The following TYRP1 variants were observed in gnomAD, a reference collection of about 807,000 sequenced individuals.
TYRP1 encodes tyrosinase related protein 1.
TYRP1 carries 49 observed loss-of-function variants against 42.8 expected under a neutral mutation model. That is an observed-to-expected ratio of 1.14 (90% CI 0.91 to 1.45). The LOEUF (loss-of-function observed/expected upper bound fraction) is 1.45, where lower values mean the gene tolerates loss of function less well. Among genes scored for constraint, TYRP1 ranks in the 40% most tolerant of loss-of-function variants. TYRP1 has a pLI of 0.00. For missense variants in TYRP1, 848 were observed against 662.0 expected, an observed-to-expected ratio of 1.28 and a Z score of -3.08; for synonymous variants, 279 against 235.4, an observed-to-expected ratio of 1.19 and a Z score of -1.69.
chr9:12,707,455 T>G (rs1818276435), intron 6 of TYRP1, among the ~76,000 whole-genome samples: 1 of 151,970 alleles, frequency 6.6e-6, no homozygotes, highest in Non-Finnish European at 1.5e-5. Context: ...GGTGGAAGTC[T>G]CTATAGACAA....
chr9:12,703,186 A>C (rs1205264249), intron 5 of TYRP1, among the ~76,000 whole-genome samples: 3 of 151,868 alleles, frequency 2.0e-5, no homozygotes, highest in African/African-American at 7.2e-5. Flanking sequence ...TATCTTATAA[A>C]CTTGTTATTG....
chr9:12,700,830 G>T (rs1202254432), intron 4 of TYRP1, among the ~76,000 whole-genome samples: 2 of 152,010 alleles, frequency 1.3e-5, no homozygotes, highest in Non-Finnish European at 2.9e-5. Context: ...TCTAGCTAGT[G>T]ATGGTGAAAG....
In TYRP1 at chr9:12,698,657, T is replaced by G. The variant is rs1394455331; in HGVS notation, c.913+2T>G. ...ATACCCTGGGAACACTTTGTAACAG[T>G]AAGTTCCAAATGATAGCTTGGAGTC... On this transcript the variant is annotated splice_donor_variant, in intron 4 of 7. Transcript: ENST00000388918. LOFTEE classifies it high-confidence loss of function. 1.1e-5 allele frequency: 18 copies of G among 1,612,612 alleles called. No individual in the cohort carries two copies. The highest frequency in any genetic ancestry group is 1.5e-5 in the Non-Finnish European group (18 of 1,178,832).
intron 3 of TYRP1, among the ~76,000 whole-genome samples, chr9:12,696,866 A>G (rs568454839): frequency 6.6e-6 from 1 of 152,338 alleles, no homozygotes; most frequent in South Asian, 2.1e-4. Flanking sequence ...ATAAAAATTA[A>G]GCTAAAAATA....
At chr9:12,699,823 T>G (rs769165343) in intron 4 of TYRP1, among the ~76,000 whole-genome samples, 1 of 152,056 alleles carries the variant, frequency 6.6e-6, no homozygotes, top group African/African-American at 2.4e-5. Context: ...CCTGAGAGTT[T>G]TCTAGACATT....
At chr9:12,700,345 A>G (rs1818146106) in intron 4 of TYRP1, 2 of 152,046 alleles carry the variant, frequency 1.3e-5, no homozygotes. Flanking sequence ...TGCTTGTTGC[A>G]TAGTATTTCT....
Position 12,696,787 on chromosome 9 carries a change from G to T in TYRP1, c.708+950G>T, listed in dbSNP as rs532510282. ...GTTTAAGTTGTTAGATCTCAACTAG[G>T]AAATCCACAAAGTAAACCTGTTTTC... On this transcript the variant is annotated intron_variant, in intron 3 of 7. Coordinates refer to ENST00000388918, the MANE Select transcript of TYRP1 (RefSeq NM_000550.3). Among the ~76,000 whole-genome samples, 3 of 152,142 alleles carry T rather than the reference G, an allele frequency of 2.0e-5. No individual in the cohort carries two copies. In the South Asian group the frequency reaches 6.2e-4, roughly 32 times the overall value.
At chr9:12,702,192 T>C in intron 4 of TYRP1, 79 bp from the exon 5 acceptor site, 1 of 1,418,244 alleles carries the variant, frequency 7.1e-7, no homozygotes, top group Non-Finnish European at 9.9e-7. Context: ...ATATTCATGC[T>C]ATGTATAAAG....
In TYRP1 at chr9:12,695,625, T is replaced by G; in HGVS notation, c.496T>G (p.Ser166Ala). The G allele has an allele frequency of 6.2e-7, 1 of 1,614,160 alleles. No homozygotes were observed. Among genetic ancestry groups the G allele is most frequent in the African/African-American group, 1.3e-5 (1 of 75,040 alleles). ...HPLFVIATRRSEEILGPDGNT... is the reference protein window; with the variant it reads ...HPLFVIATRRAEEILGPDGNT... Reference sequence around the variant, plus strand: ...TTTATTTGTCATTGCCACCAGGAGATCAGAAGAAATACTGGGGCCAGATGG... The same window carrying G: ...TTTATTTGTCATTGCCACCAGGAGAGCAGAAGAAATACTGGGGCCAGATGG... Residue 166 changes from serine to alanine, a missense_variant, in exon 3 of 8, where the codon TCA becomes GCA. By Grantham distance (99) the Ser-to-Ala change is moderately conservative. Transcript: ENST00000388918.
intron 4 of TYRP1, among the ~76,000 whole-genome samples, chr9:12,699,872 C>T (rs1219499361): frequency 6.6e-6 from 1 of 151,982 alleles, no homozygotes; most frequent in South Asian, 2.1e-4. Context: ...AAATAAAACA[C>T]AGTTTAAATG....
chr9:12,704,686 G>A lies in TYRP1; in HGVS notation c.1242G>A (p.Trp414Ter). ...HTFTDAVFDE[W>*]LRRYNADIST... ...TCACAGATGCAGTCTTTGATGAATGGCTGAGGAGATACAATGCTGGTAAGA... is the reference window on the plus strand; with the variant it reads ...TCACAGATGCAGTCTTTGATGAATGACTGAGGAGATACAATGCTGGTAAGA... The change falls in exon 6 of 8, where the codon TGG becomes TGA. Residue 414 changes from tryptophan to a stop codon, truncating the protein, a stop_gained. Coordinates refer to ENST00000388918, the MANE Select transcript of TYRP1 (RefSeq NM_000550.3). LOFTEE classifies it high-confidence loss of function. The A allele has an allele frequency of 1.2e-6, 2 of 1,612,916 alleles. No individual in the cohort carries two copies. The highest frequency in any genetic ancestry group is 8.5e-7 in the Non-Finnish European group (1 of 1,179,336).
At position 12,694,291 on chromosome 9, in the gene TYRP1, T is replaced by C. The variant is rs1431631391; in HGVS notation, c.295T>C (p.Cys99Arg). Residue 99 changes from cysteine to arginine, a missense_variant, in exon 2 of 8, where the codon TGT becomes CGT. Coordinates refer to ENST00000388918, the MANE Select transcript of TYRP1 (RefSeq NM_000550.3). ...VWPLRFFNRT[C>R]HCNGNFSGHN... ...GCCCTTGCGCTTCTTCAATAGGACA[T>C]GTCACTGCAACGGCAATTTCTCAGG... 2 of 1,613,972 alleles carry C rather than the reference T, an allele frequency of 1.2e-6. No individual in the cohort carries two copies. Among genetic ancestry groups the C allele is most frequent in the Non-Finnish European group, 1.7e-6 (2 of 1,179,974 alleles).
rs1818319876 is a variant in TYRP1 at position 12,709,412 on chromosome 9, C to T, written c.*230C>T. 1 of 536,490 alleles carries T rather than the reference C, an allele frequency of 1.9e-6. No individual in the cohort carries two copies. Among genetic ancestry groups the T allele is most frequent in the African/African-American group, 1.9e-5 (1 of 52,456 alleles). The allele number at this position is 536,490 out of a possible 1,614,324, so 33.2% of individuals were successfully genotyped here. ...TAAAATGGTGAATGACACTAAACTCCATGATATTTAAGGATAGTGTGAAGA... is the reference window on the plus strand; with the variant it reads ...TAAAATGGTGAATGACACTAAACTCTATGATATTTAAGGATAGTGTGAAGA... On this transcript the variant is annotated 3_prime_UTR_variant, in exon 8 of 8. Transcript: ENST00000388918.
intron 6 of TYRP1, chr9:12,707,569 T>A: frequency 5.7e-6 from 1 of 174,758 alleles, no homozygotes; most frequent in Non-Finnish European, 1.2e-5. Context: ...TAGAGTGGGG[T>A]CTGGGGAGAG....
At chr9:12,708,699 C>CTT (rs1177403962) in intron 7 of TYRP1, among the ~76,000 whole-genome samples, 5 of 151,934 alleles carry the variant, frequency 3.3e-5, no homozygotes, top group African/African-American at 1.2e-4. Context: ...CCAAAGCCAA[C>CTT]TTTATTGCTT....
rs71329878 is a variant in TYRP1 at position 12,709,648 on chromosome 9, AAATT to A, written c.*472_*475del. 81,167 of 171,804 alleles carry A rather than the reference AAATT, an allele frequency of 0.47. 23,849 individuals are homozygous for A. The highest frequency in any genetic ancestry group is 0.66 in the Non-Finnish European group (51,790 of 78,170). 10.6% of individuals were successfully genotyped at this position (171,804 alleles called of 1,614,324 possible). ...GAAAACCACAGTTATTAATTAAAGA[AAATT>A]AATTATGTGTAGTTATAAACCAATG... On this transcript the variant is annotated 3_prime_UTR_variant, in exon 8 of 8. Transcript: ENST00000388918.
Position 12,702,276 on chromosome 9 carries a change from G to A in TYRP1, c.919G>A (p.Glu307Lys), listed in dbSNP as rs770681012. Residue 307 changes from glutamate (E) to lysine (K), a missense_variant, in exon 5 of 8, where the codon GAG (glutamate) becomes AAG (lysine). Coordinates refer to ENST00000388918, the MANE Select transcript of TYRP1 (RefSeq NM_000550.3). ...DTLGTLCNST[E>K]DGPIRRNPAG... The stretch of plus-strand genomic sequence containing the variant: ...CATCCCATTTTTTTCTGCAGGCACC[G>A]AGGATGGGCCAATTAGGAGAAATCC... 3.0e-5 allele frequency: 49 copies of A among 1,612,730 alleles called. No homozygotes were observed. Among genetic ancestry groups the A allele is most frequent in the African/African-American group, 1.2e-4 (9 of 74,786 alleles).
At chr9:12,703,514 A>G (rs987314427) in intron 5 of TYRP1, among the ~76,000 whole-genome samples, 3 of 151,958 alleles carry the variant, frequency 2.0e-5, no homozygotes, top group Admixed American at 6.6e-5. Context: ...TTAATGCCCA[A>G]TCAGAAGACA....
intron 6 of TYRP1, among the ~76,000 whole-genome samples, chr9:12,705,473 G>A (rs1049512452): frequency 1.3e-5 from 2 of 152,010 alleles, no homozygotes; most frequent in African/African-American, 2.4e-5. Context: ...TTCTATGTGT[G>A]TATGTGTGCA....
Sources: allele counts gnomAD v4.1 joint callset (sites outside exome capture counted in the v4.1 genomes callset), GRCh38; gene constraint gnomAD v4.1.1; transcripts MANE v1.5; gene names NCBI Gene and HGNC (gene_info 2026-07-23, HGNC 2026-07-21).